The following CNOT4 variants were observed in gnomAD, a reference collection of about 807,000 sequenced individuals.
The protein encoded by CNOT4 is CCR4-associated factor 4.
CNOT4 carries 8 observed loss-of-function variants against 73.8 expected under a neutral mutation model. The observed-to-expected ratio is 0.11, with a 90% CI of 0.06 to 0.20. The LOEUF is 0.20. CNOT4 is among the 10% of genes least tolerant of loss of function. The pLI, the probability that CNOT4 is intolerant of heterozygous loss-of-function variation, is 1.00. For missense variants in CNOT4, 564 were observed against 883.4 expected, an observed-to-expected ratio of 0.64 and a Z score of 4.58; for synonymous variants, 293 against 321.1, an observed-to-expected ratio of 0.91 and a Z score of 0.94.
In CNOT4 at chr7:135,474,833, T is replaced by C. The variant is rs114278938; in HGVS notation, c.-93+35056A>G. 8.7e-3 allele frequency among the ~76,000 whole-genome samples: 1,331 copies of C among 152,298 alleles called. 22 individuals carry two copies. Among genetic ancestry groups the C allele is most frequent in the African/African-American group, 0.03 (1,267 of 41,550 alleles). On this transcript the variant is annotated intron_variant, in intron 1 of 11. Coordinates refer to ENST00000541284, the MANE Select transcript of CNOT4 (RefSeq NM_001190850.2). ...AAGTATATTAAAATTGAAATGCTTA[T>C]ACACTGCTGATGACATTACAAATTG...
intron 3 of CNOT4, among the ~76,000 whole-genome samples, chr7:135,416,581 T>C (rs1797885608): frequency 6.6e-6 from 1 of 152,160 alleles, no homozygotes. Flanking sequence ...GAAAAAGCTT[T>C]CTGGCTAGTG....
intron 7 of CNOT4, among the ~76,000 whole-genome samples, chr7:135,406,434 C>T (rs1192774140): frequency 3.3e-5 from 5 of 151,590 alleles, no homozygotes; most frequent in East Asian, 3.9e-4. Context: ...CCAAGGCAGG[C>T]GAATCGCTTG....
intron 2 of CNOT4, among the ~76,000 whole-genome samples, chr7:135,424,740 GAT>G (rs1798397875): frequency 6.6e-6 from 1 of 152,124 alleles, no homozygotes; most frequent in Non-Finnish European, 1.5e-5. Context: ...AGTGAGCTGA[GAT>G]TGTGCCACTG....
At chr7:135,377,242 A>T (rs1795570849) in intron 10 of CNOT4, among the ~76,000 whole-genome samples, 1 of 152,260 alleles carries the variant, frequency 6.6e-6, no homozygotes. Context: ...TGAAAAAGCT[A>T]CATTAGTTTT....
chr7:135,418,356 T>C (rs530188552), intron 3 of CNOT4, among the ~76,000 whole-genome samples: 3 of 152,302 alleles, frequency 2.0e-5, no homozygotes, highest in African/African-American at 7.2e-5. Flanking sequence ...ATACTCAATA[T>C]CACGATGTCC....
chr7:135,488,853 C>G (rs1802915079), intron 1 of CNOT4, among the ~76,000 whole-genome samples: 1 of 151,944 alleles, frequency 6.6e-6, no homozygotes, highest in African/African-American at 2.4e-5. Flanking sequence ...AAAATTCTCC[C>G]AAGCAATGTA....
At chr7:135,398,137 A>G (rs780185431) in intron 8 of CNOT4, 32 bp downstream of exon 8, 1 of 1,231,184 alleles carries the variant, frequency 8.1e-7, no homozygotes, top group South Asian at 1.2e-5. Flanking sequence ...AGTATGGCAA[A>G]TAAATCAAGT....
chr7:135,508,596 C>T (rs1804529370), intron 1 of CNOT4, among the ~76,000 whole-genome samples: 1 of 151,986 alleles, frequency 6.6e-6, no homozygotes, highest in African/African-American at 2.4e-5. Flanking sequence ...AGAGAACTTC[C>T]CAAATCCAAA....
chr7:135,363,802 T>TA lies in CNOT4; in HGVS notation c.1840+51dup. 2 of 1,456,718 alleles carry TA rather than the reference T, an allele frequency of 1.4e-6. No individual in the cohort carries two copies. The highest frequency in any genetic ancestry group is 1.9e-6 in the Non-Finnish European group (2 of 1,074,354). The allele number at this position is 1,456,718 out of a possible 1,614,324, so 90.2% of individuals were successfully genotyped here. ...ATCTCGGTTTTTATTTAATCTGTGC[T>TA]AAAAACCAAACTGTTGGCAGTCAGT... On this transcript the variant is annotated intron_variant, in intron 11 of 11. Coordinates refer to ENST00000541284, the MANE Select transcript of CNOT4 (RefSeq NM_001190850.2). This position sits in a 1 kb window ranked among gnomAD's most constrained non-coding sequence, Gnocchi z 4.3.
rs865930116 is a variant in CNOT4, at chr7:135,362,111, C to A, written c.*774G>T. ...GGAGAAGGACTGAAGAAATGACTTA[C>A]ATTTCAGCTCTTATATTATTAATAG... is the stretch of plus-strand genomic sequence containing the variant. On this transcript the variant is annotated 3_prime_UTR_variant, in exon 12 of 12. Coordinates refer to ENST00000541284, the MANE Select transcript of CNOT4 (RefSeq NM_001190850.2). The A allele has an allele frequency of 6.6e-6, 1 of 152,418 alleles. No individual in the cohort carries two copies. The highest frequency in any genetic ancestry group is 1.5e-5 in the Non-Finnish European group (1 of 68,134). 9.4% of individuals were successfully genotyped at this position (152,418 alleles called of 1,614,324 possible).
chr7:135,469,442 T>C (rs1801435964), intron 1 of CNOT4, among the ~76,000 whole-genome samples: 2 of 152,214 alleles, frequency 1.3e-5, no homozygotes, highest in African/African-American at 4.8e-5. Context: ...CTAACTGACA[T>C]ATCCTCTTCA....
At chr7:135,409,285 A>G (rs1797467016) in intron 7 of CNOT4, among the ~76,000 whole-genome samples, 1 of 152,192 alleles carries the variant, frequency 6.6e-6, no homozygotes, top group Non-Finnish European at 1.5e-5. Context: ...CAAAAGATTA[A>G]AGGAAAAGAT....
At chr7:135,434,727 C>T (rs1030876657) in intron 2 of CNOT4, among the ~76,000 whole-genome samples, 1 of 152,184 alleles carries the variant, frequency 6.6e-6, no homozygotes, top group East Asian at 1.9e-4. Context: ...CATTCATTCA[C>T]CTGTCTACTC....
intron 1 of CNOT4, among the ~76,000 whole-genome samples, chr7:135,498,516 A>C (rs1015229578): frequency 2.0e-5 from 3 of 152,162 alleles, no homozygotes; most frequent in African/African-American, 7.2e-5. Context: ...TCAGAATCAA[A>C]ATAGATTTGA....
In CNOT4 at chr7:135,364,153, G is replaced by A. The variant is rs1794789643; in HGVS notation, c.1628-87C>T. ...ATATGTTGTTCTTTAGTGGTTAAGC[G>A]GGAGAAGAATTATTCTTTCTTTATT... On this transcript the variant is annotated intron_variant, in intron 10 of 11. Coordinates refer to ENST00000541284, the MANE Select transcript of CNOT4 (RefSeq NM_001190850.2). This position sits in a 1 kb window ranked among gnomAD's most constrained non-coding sequence, Gnocchi z 4.3. The A allele has an allele frequency of 7.3e-6, 7 of 963,026 alleles. No homozygotes were observed. The highest frequency in any genetic ancestry group is 2.4e-5 in the East Asian group (1 of 40,924). 59.7% of individuals were successfully genotyped at this position (963,026 alleles called of 1,614,324 possible).
chr7:135,489,486 C>G (rs1382680795), intron 1 of CNOT4, among the ~76,000 whole-genome samples: 1 of 150,206 alleles, frequency 6.7e-6, no homozygotes, highest in Non-Finnish European at 1.5e-5. Flanking sequence ...ACCTCCGCTT[C>G]CCCAGCTCAA....
intron 2 of CNOT4, among the ~76,000 whole-genome samples, chr7:135,437,178 G>GCTTTT (rs146097900): frequency 9.9e-5 from 15 of 151,592 alleles, no homozygotes; most frequent in African/African-American, 2.9e-4. Context: ...GTTAGGAGGG[G>GCTTTT]CTTTTCTTTT....
chr7:135,473,512 C>T (rs1028608608), intron 1 of CNOT4, among the ~76,000 whole-genome samples: 9 of 152,094 alleles, frequency 5.9e-5, no homozygotes, highest in Non-Finnish European at 1.3e-4. Context: ...TTTTGGAAGG[C>T]GAGGCAGGTG....
At chr7:135,509,764 G>A (rs1011666520) in intron 1 of CNOT4, 125 bp downstream of exon 1, 20 of 341,758 alleles carry the variant, frequency 5.9e-5, no homozygotes, top group Non-Finnish European at 1.1e-4. Context: ...GGAGGAGGAG[G>A]GTGAAGATGA....
Sources: allele counts gnomAD v4.1 joint callset (sites outside exome capture counted in the v4.1 genomes callset), GRCh38; gene constraint gnomAD v4.1.1; non-coding constraint Gnocchi (gnomAD v3.1); transcripts MANE v1.5; gene names NCBI Gene and HGNC (gene_info 2026-07-23, HGNC 2026-07-21).